WHR1: variants seen among roughly 807,000 people sequenced by gnomAD.
WHR1 encodes the protein MHC class III HLA-RP1.
chr6:31,972,900 C>A, the WHR1 span: 1 of 1,390,252 alleles, frequency 7.2e-7, no homozygotes, highest in Non-Finnish European at 9.9e-7. This position sits in a 1 kb window ranked among gnomAD's most constrained non-coding sequence, Gnocchi z 6.3. Flanking sequence ...GCCACAGAGA[C>A]CCTGTTAAAA....
At chr6:31,978,766 C>T in the WHR1 span, 1 of 693,420 alleles carries the variant, frequency 1.4e-6, no homozygotes, top group Non-Finnish European at 2.4e-6. Context: ...TGATTATTTT[C>T]TCACACAGTT....
chr6:31,980,354 C>A, the WHR1 span: 1 of 1,134,264 alleles, frequency 8.8e-7, no homozygotes, highest in East Asian at 2.6e-5. Context: ...CATGGTTGCC[C>A]GTGTTTCTGG....
the WHR1 span, among the ~76,000 whole-genome samples, chr6:31,978,364 C>T: frequency 2.0e-5 from 3 of 152,244 alleles, no homozygotes; most frequent in East Asian, 5.8e-4. Context: ...TCTCGAACTC[C>T]TGTCCTCAAT....
chr6:31,972,793 T>A, the WHR1 span: 1 of 1,605,444 alleles, frequency 6.2e-7, no homozygotes, highest in African/African-American at 1.3e-5. The surrounding 1 kb of genome is among the most constrained non-coding windows in gnomAD (Gnocchi z 6.3). Flanking sequence ...GAAGCCCCTT[T>A]CCTAACTCCT....
the WHR1 span, chr6:31,980,269 A>C: frequency 1.8e-6 from 1 of 561,866 alleles, no homozygotes; most frequent in East Asian, 2.9e-5. Flanking sequence ...TGGAACAAGC[A>C]ACTGCACCAA....
the WHR1 span, among the ~76,000 whole-genome samples, chr6:31,978,701 G>A: frequency 6.6e-6 from 1 of 152,166 alleles, no homozygotes; most frequent in Non-Finnish European, 1.5e-5. Flanking sequence ...CATATATAAG[G>A]CAGGTGGATG....
At chr6:31,975,003 C>T in the WHR1 span, among the ~76,000 whole-genome samples, 1 of 152,024 alleles carries the variant, frequency 6.6e-6, no homozygotes, top group Non-Finnish European at 1.5e-5. Context: ...TTTTAAAAAC[C>T]TTTAAAAGTT....
the WHR1 span, chr6:31,972,266 A>T: frequency 6.2e-7 from 1 of 1,613,136 alleles, no homozygotes. The surrounding 1 kb of genome is among the most constrained non-coding windows in gnomAD (Gnocchi z 6.3). Context: ...CTGAGGGACG[A>T]CAAGTTGACG....
chr6:31,978,768 C>G, the WHR1 span: 1 of 701,908 alleles, frequency 1.4e-6, no homozygotes, highest in Non-Finnish European at 2.3e-6. Context: ...ATTATTTTCT[C>G]ACACAGTTTT....
At chr6:31,972,976 G>A in the WHR1 span, 1 of 802,804 alleles carries the variant, frequency 1.2e-6, no homozygotes, top group Non-Finnish European at 2.1e-6. The surrounding 1 kb of genome is among the most constrained non-coding windows in gnomAD (Gnocchi z 6.3). Context: ...TGGGGAAACC[G>A]AGTCATGGGG....
chr6:31,978,323 T>TG, the WHR1 span, among the ~76,000 whole-genome samples: 830 of 150,576 alleles, frequency 5.5e-3, 13 homozygotes, highest in East Asian at 0.059. Context: ...ATGTGGCGGG[T>TG]GGGGGGGTCT....
the WHR1 span, among the ~76,000 whole-genome samples, chr6:31,975,164 G>A: frequency 6.6e-6 from 1 of 151,568 alleles, no homozygotes; most frequent in Non-Finnish European, 1.5e-5. Flanking sequence ...ATGTCCCTGG[G>A]AGGTGACTGC....
chr6:31,972,861 G>C, the WHR1 span: 1 of 1,561,636 alleles, frequency 6.4e-7, no homozygotes, highest in Non-Finnish European at 8.6e-7. The surrounding 1 kb of genome is among the most constrained non-coding windows in gnomAD (Gnocchi z 6.3). Context: ...AGGCCTTTCA[G>C]GCGAGGGCAC....
chr6:31,972,418 T>G, the WHR1 span: 1 of 1,613,052 alleles, frequency 6.2e-7, no homozygotes, highest in South Asian at 1.1e-5. The surrounding 1 kb of genome is among the most constrained non-coding windows in gnomAD (Gnocchi z 6.3). Context: ...GGATATGAGC[T>G]GGAAGAGGCA....
the WHR1 span, among the ~76,000 whole-genome samples, chr6:31,975,930 C>G: frequency 7.9e-3 from 1,176 of 148,762 alleles, 10 homozygotes; most frequent in South Asian, 0.079. Flanking sequence ...ACCTCCCTCC[C>G]GGACGGGGCG....
chr6:31,979,378 G>C, the WHR1 span: 2,635 of 1,611,840 alleles, frequency 1.6e-3, 3 homozygotes, highest in Non-Finnish European at 2.1e-3. Context: ...GAGAGTGAGG[G>C]TGGGGATGGA....
chr6:31,980,780 T>C, the WHR1 span: 119 of 1,587,322 alleles, frequency 7.5e-5, no homozygotes, highest in Admixed American at 8.2e-4. Context: ...CACGACCTCA[T>C]TGGGGCCCAG....
the WHR1 span, chr6:31,978,825 C>G: frequency 7.3e-7 from 1 of 1,376,580 alleles, no homozygotes; most frequent in Non-Finnish European, 1.0e-6. Context: ...CAAAATCTCC[C>G]TGCCTGAGAG....
the WHR1 span, chr6:31,980,529 C>A: frequency 6.2e-7 from 1 of 1,612,990 alleles, no homozygotes. Context: ...CTGGGAGATT[C>A]ATCAAGTACT....
Sources: allele counts gnomAD v4.1 joint callset (sites outside exome capture counted in the v4.1 genomes callset), GRCh38; gene constraint gnomAD v4.1.1; non-coding constraint Gnocchi (gnomAD v3.1); transcripts MANE v1.5; gene names NCBI Gene and HGNC (gene_info 2026-07-23, HGNC 2026-07-21).